The following CAMK1D variants were observed in gnomAD, a reference collection of about 807,000 sequenced individuals.
CAMK1D encodes the protein calcium/calmodulin dependent protein kinase ID, also known as calcium/calmodulin-dependent protein kinase type 1D.
Under a neutral mutation model 47.7 loss-of-function variants are expected in CAMK1D, and 9 were observed. That is an observed-to-expected ratio of 0.19 (90% CI 0.11 to 0.33). The LOEUF (loss-of-function observed/expected upper bound fraction) is 0.33. CAMK1D is among the 10% of genes least tolerant of loss of function. The pLI is 1.00. For missense variants in CAMK1D, 291 were observed against 488.7 expected (o/e 0.60, Z 3.81); for synonymous variants, 184 against 184.9 (o/e 0.99, Z 0.04).
intron 1 of CAMK1D, among the ~76,000 whole-genome samples, chr10:12,493,683 G>A (rs1339826141): frequency 6.6e-6 from 1 of 152,088 alleles, no homozygotes; most frequent in Non-Finnish European, 1.5e-5. Flanking sequence ...TAGTAGGGAT[G>A]GGGTTTCACT....
intron 3 of CAMK1D, among the ~76,000 whole-genome samples, chr10:12,749,778 C>T (rs897992296): frequency 2.0e-5 from 3 of 152,196 alleles, no homozygotes; most frequent in Non-Finnish European, 2.9e-5. Flanking sequence ...TCAGTAGAGA[C>T]GGAATTTCAC....
intron 2 of CAMK1D, among the ~76,000 whole-genome samples, chr10:12,553,611 A>G (rs935129029): frequency 2.0e-5 from 3 of 152,026 alleles, no homozygotes; most frequent in Admixed American, 6.5e-5. Flanking sequence ...GTGAACCGAG[A>G]CCCTGCCACT....
At chr10:12,490,078 G>T (rs1834336406) in intron 1 of CAMK1D, among the ~76,000 whole-genome samples, 1 of 152,182 alleles carries the variant, frequency 6.6e-6, no homozygotes, top group Admixed American at 6.5e-5. Context: ...TGCCACGTGG[G>T]TGTGTCTCCA....
Position 12,519,398 on chromosome 10 carries a change from C to G in CAMK1D, c.93-33827C>G, listed in dbSNP as rs1415443895. ...CGGACGGGGCGGCTGGCCGACCCCC[C>G]CCCCCCCGCCTCCCTCCCGGACGGG... On this transcript the variant is annotated intron_variant, in intron 1 of 10. Transcript: ENST00000619168. Among the ~76,000 whole-genome samples the G allele has an allele frequency of 2.7e-3, 32 of 12,040 alleles. 12 individuals are homozygous for G. Among genetic ancestry groups the G allele is most frequent in the Non-Finnish European group, 5.0e-3 (29 of 5,782 alleles). The allele number at this position is 12,040 out of a possible 152,430, so 7.9% of individuals were successfully genotyped here.
chr10:12,741,212 C>A (rs1042779179), intron 3 of CAMK1D, among the ~76,000 whole-genome samples: 10 of 152,198 alleles, frequency 6.6e-5, no homozygotes, highest in Admixed American at 2.0e-4. Flanking sequence ...AGTTTCCTGT[C>A]TTCTCATCAC....
chr10:12,807,242 G>T (rs1838772914), intron 6 of CAMK1D, among the ~76,000 whole-genome samples: 1 of 152,216 alleles, frequency 6.6e-6, no homozygotes, highest in Admixed American at 6.5e-5. Context: ...GATGTTGGCA[G>T]TTCTGGGTGC....
chr10:12,669,359 C>T (rs368579543), intron 3 of CAMK1D, among the ~76,000 whole-genome samples: 7 of 152,022 alleles, frequency 4.6e-5, no homozygotes, highest in African/African-American at 1.7e-4. Flanking sequence ...TGAGATTTGT[C>T]GAGCAAATTA....
intron 2 of CAMK1D, among the ~76,000 whole-genome samples, chr10:12,589,970 C>T (rs1204563960): frequency 6.6e-6 from 1 of 152,118 alleles, no homozygotes; most frequent in East Asian, 1.9e-4. Context: ...GGGGAAAGAA[C>T]AGGAGCAAAT....
chr10:12,786,583 G>T (rs545451211), intron 5 of CAMK1D, among the ~76,000 whole-genome samples: 4 of 152,152 alleles, frequency 2.6e-5, no homozygotes, highest in Non-Finnish European at 5.9e-5. Flanking sequence ...TTTAGAGACA[G>T]CGTCTCACTC....
At chr10:12,794,117 G>A (rs1838093602) in intron 6 of CAMK1D, among the ~76,000 whole-genome samples, 1 of 152,180 alleles carries the variant, frequency 6.6e-6, no homozygotes, top group Non-Finnish European at 1.5e-5. Flanking sequence ...GGAAGCTCTG[G>A]GCAGAGGAAC....
intron 6 of CAMK1D, among the ~76,000 whole-genome samples, chr10:12,804,038 G>A (rs1272491868): frequency 1.3e-5 from 2 of 152,168 alleles, no homozygotes; most frequent in Admixed American, 1.3e-4. Flanking sequence ...GATGGGGTGG[G>A]CCCAGGGCAT....
chr10:12,446,217 A>C lies in CAMK1D; in HGVS notation c.92+96307A>C, dbSNP rs567341170. Among the ~76,000 whole-genome samples the C allele has an allele frequency of 3.9e-4, 59 of 152,288 alleles. 1 individual carries two copies. The South Asian group carries it at 0.012, about 31-fold the overall frequency. On this transcript the variant is annotated intron_variant, in intron 1 of 10. Coordinates refer to ENST00000619168, the MANE Select transcript of CAMK1D (RefSeq NM_153498.4). ...AGCAAGTTTATTAAGAAAGTAAAGG[A>C]ATCAAGAATGGCTAATCCATAGACA... is the stretch of plus-strand genomic sequence containing the variant.
intron 4 of CAMK1D, 111 bp downstream of exon 4, chr10:12,761,197 GC>G: frequency 7.8e-7 from 1 of 1,283,444 alleles, no homozygotes; most frequent in South Asian, 1.5e-5. Flanking sequence ...TAGAGTGGGT[GC>G]AGCAGATGGT....
chr10:12,749,967 A>G (rs1280078263), intron 3 of CAMK1D, among the ~76,000 whole-genome samples: 4 of 152,164 alleles, frequency 2.6e-5, no homozygotes, highest in Admixed American at 6.5e-5. Flanking sequence ...GGTTGCAGCC[A>G]TTTGCGCTGA....
At chr10:12,443,545 G>A (rs1251852591) in intron 1 of CAMK1D, among the ~76,000 whole-genome samples, 2 of 152,214 alleles carry the variant, frequency 1.3e-5, no homozygotes, top group Non-Finnish European at 2.9e-5. Flanking sequence ...TAAAGTGAAA[G>A]CAAGTTTCTT....
chr10:12,730,132 G>A (rs1342849150), intron 3 of CAMK1D, among the ~76,000 whole-genome samples: 1 of 152,196 alleles, frequency 6.6e-6, no homozygotes, highest in African/African-American at 2.4e-5. Flanking sequence ...GGGAGGCTGC[G>A]GCAGTGACCC....
At position 12,680,906 on chromosome 10, in the gene CAMK1D, T is replaced by C. The variant is rs1289206105; in HGVS notation, c.299+14096T>C. Among the ~76,000 whole-genome samples the C allele has an allele frequency of 2.6e-5, 4 of 151,558 alleles. No homozygotes were observed. The East Asian group carries it at 7.8e-4, about 29-fold the overall frequency. ...TCTCAAAAAAAAAAAAAAAAATCTTTACTCCACTGTAGCTCAGGCCTCACG... is the reference window on the plus strand; with the variant it reads ...TCTCAAAAAAAAAAAAAAAAATCTTCACTCCACTGTAGCTCAGGCCTCACG... On this transcript the variant is annotated intron_variant, in intron 3 of 10. Coordinates refer to ENST00000619168, the MANE Select transcript of CAMK1D (RefSeq NM_153498.4).
intron 3 of CAMK1D, among the ~76,000 whole-genome samples, chr10:12,733,166 G>A (rs1199521293): frequency 6.6e-6 from 1 of 152,160 alleles, no homozygotes; most frequent in Non-Finnish European, 1.5e-5. Flanking sequence ...TCTAAATAAG[G>A]TTTATTTGCC....
At chr10:12,521,780 A>T (rs1268590094) in intron 1 of CAMK1D, among the ~76,000 whole-genome samples, 1 of 152,196 alleles carries the variant, frequency 6.6e-6, no homozygotes, top group African/African-American at 2.4e-5. Context: ...AGATAGGTAC[A>T]CATTTAATAT....
Sources: gnomAD v4.1 joint callset for allele counts (sites outside exome capture counted in the v4.1 genomes callset) on GRCh38, gnomAD v4.1.1 for gene constraint, MANE v1.5 for transcripts, NCBI Gene and HGNC (gene_info 2026-07-23, HGNC 2026-07-21) for gene names.